The following SH3PXD2B variants were observed in gnomAD, a reference collection of about 807,000 sequenced individuals.
SH3PXD2B encodes the protein SH3 and PX domain-containing protein 2B.
Under a neutral mutation model 73.1 loss-of-function variants are expected in SH3PXD2B, and 37 were observed. That is an observed-to-expected ratio of 0.51 (90% confidence interval 0.39 to 0.67). The LOEUF is 0.67. Among genes scored for constraint, SH3PXD2B ranks in the 30% least tolerant of loss-of-function variants. The probability of loss-of-function intolerance (pLI) is 0.00; values close to 1 mark genes in which losing one functional copy is unlikely to be tolerated. For missense variants in SH3PXD2B, 1,053 were observed against 1,197.8 expected, an observed-to-expected ratio of 0.88 and a Z score of 1.78; for synonymous variants, 457 against 480.5, an observed-to-expected ratio of 0.95 and a Z score of 0.64.
intron 1 of SH3PXD2B, among the ~76,000 whole-genome samples, chr5:172,442,138 A>G (rs983162033): frequency 3.9e-5 from 6 of 152,210 alleles, no homozygotes; most frequent in Non-Finnish European, 7.3e-5. Flanking sequence ...ATGAGGTCAC[A>G]CTACCCTATC....
downstream of SH3PXD2B, among the ~76,000 whole-genome samples, chr5:172,329,083 A>ATATTTTTTTT (rs58472514): frequency 1.0e-3 from 62 of 61,806 alleles, 1 homozygote; most frequent in African/African-American, 4.0e-3. Context: ...ATATATATAT[A>ATATTTTTTTT]TTTTTTTTTT....
At chr5:172,415,637 G>A (rs912295869) in intron 2 of SH3PXD2B, among the ~76,000 whole-genome samples, 1 of 152,188 alleles carries the variant, frequency 6.6e-6, no homozygotes, top group African/African-American at 2.4e-5. Context: ...ATTCCAGTTA[G>A]TGACTGCCGA....
In SH3PXD2B at chr5:172,350,599, G is replaced by A. The variant is rs776205923; in HGVS notation, c.786-10C>T. The A allele has an allele frequency of 1.2e-5, 19 of 1,597,078 alleles. No homozygotes were observed. Among genetic ancestry groups the A allele is most frequent in the Non-Finnish European group, 1.6e-5 (19 of 1,171,562 alleles). On this transcript the variant is annotated splice_polypyrimidine_tract_variant and intron_variant, in intron 9 of 12. Transcript: ENST00000311601. Reference sequence around the variant, plus strand: ...TTCTTTGCCCTGGTACCTGTGAAGAGGAGGAAGGATGCTGTCAAACTGCTC... The same window carrying A: ...TTCTTTGCCCTGGTACCTGTGAAGAAGAGGAAGGATGCTGTCAAACTGCTC...
intron 4 of SH3PXD2B, among the ~76,000 whole-genome samples, chr5:172,392,538 G>C (rs1248400532): frequency 6.6e-6 from 1 of 151,848 alleles, no homozygotes; most frequent in Non-Finnish European, 1.5e-5. Context: ...TTGGGAGGCC[G>C]AAGTGGGTGG....
At chr5:172,453,659 G>C (rs1279385943) in intron 1 of SH3PXD2B, among the ~76,000 whole-genome samples, 3 of 152,244 alleles carry the variant, frequency 2.0e-5, no homozygotes. Context: ...GGAGATGCCA[G>C]GAGAAAACTT....
At position 172,386,563 on chromosome 5, in the gene SH3PXD2B, CTGT is replaced by C. The variant is rs769180556; in HGVS notation, c.310-4439_310-4437del. On this transcript the variant is annotated intron_variant, in intron 4 of 12. Coordinates refer to ENST00000311601, the MANE Select transcript of SH3PXD2B (RefSeq NM_001017995.3). Reference sequence around the variant, plus strand: ...AGTTAGCCAGATTTAAAAACGTTTTCTGTTGTTGTTGTTGTTTTATTGTTTTTA... The same window carrying C: ...AGTTAGCCAGATTTAAAAACGTTTTCTGTTGTTGTTGTTTTATTGTTTTTA... Among the ~76,000 whole-genome samples the C allele has an allele frequency of 3.5e-4, 51 of 145,952 alleles. 1 individual carries two copies. Among genetic ancestry groups the C allele is most frequent in the Non-Finnish European group, 5.7e-4 (38 of 67,220 alleles).
chr5:172,454,406 C>G lies in SH3PXD2B; in HGVS notation c.-54G>C. 1 of 1,179,166 alleles carries G rather than the reference C, an allele frequency of 8.5e-7. No individual in the cohort carries two copies. The highest frequency in any genetic ancestry group is 1.1e-6 in the Non-Finnish European group (1 of 945,326). The allele number at this position is 1,179,166 out of a possible 1,614,324, so 73.0% of individuals were successfully genotyped here. A position where few individuals can be genotyped will look rare whatever the true frequency, so the allele number is the denominator to read the frequency against. On this transcript the variant is annotated 5_prime_UTR_variant, in exon 1 of 13. Coordinates refer to ENST00000311601, the MANE Select transcript of SH3PXD2B (RefSeq NM_001017995.3). ...GCGCGGGTGCGGGTGGCGCGGGGTG[C>G]AGGGAGCGCTGGGGGCGCGCCGCCG... is the stretch of plus-strand genomic sequence containing the variant.
chr5:172,347,231 C>T (rs2113277961), intron 11 of SH3PXD2B, 52 bp downstream of exon 11: 1 of 1,587,462 alleles, frequency 6.3e-7, no homozygotes, highest in Non-Finnish European at 8.7e-7. Flanking sequence ...AGTGGACACC[C>T]CTCACAGCCC....
At chr5:172,379,893 G>C (rs1757904696) in intron 5 of SH3PXD2B, among the ~76,000 whole-genome samples, 1 of 152,158 alleles carries the variant, frequency 6.6e-6, no homozygotes, top group African/African-American at 2.4e-5. Context: ...TATCAAGTGA[G>C]CCTCTTGTGT....
At chr5:172,361,177 G>A (rs1452632593) in intron 7 of SH3PXD2B, among the ~76,000 whole-genome samples, 3 of 152,050 alleles carry the variant, frequency 2.0e-5, no homozygotes, top group South Asian at 2.1e-4. Context: ...GTGTATGTGT[G>A]AGTGTATATG....
chr5:172,369,915 G>A (rs2113345869), intron 6 of SH3PXD2B, among the ~76,000 whole-genome samples: 1 of 150,284 alleles, frequency 6.7e-6, no homozygotes, highest in East Asian at 2.0e-4. Flanking sequence ...CTGTGAGAAT[G>A]GTTTCCACCT....
At chr5:172,368,468 T>TATTATA (rs1327821682) in intron 6 of SH3PXD2B, among the ~76,000 whole-genome samples, 1 of 12,994 alleles carries the variant, frequency 7.7e-5, no homozygotes, top group Non-Finnish European at 1.2e-4. Flanking sequence ...TATATATATA[T>TATTATA]TATATATATA....
chr5:172,367,335 A>C (rs1260130231), intron 6 of SH3PXD2B, among the ~76,000 whole-genome samples: 2 of 150,852 alleles, frequency 1.3e-5, no homozygotes, highest in East Asian at 3.9e-4. Context: ...TCCTTACCTC[A>C]CTTGTGAAAA....
chr5:172,396,849 G>C (rs1472527434), intron 3 of SH3PXD2B, among the ~76,000 whole-genome samples: 3 of 152,098 alleles, frequency 2.0e-5, no homozygotes, highest in African/African-American at 4.8e-5. Flanking sequence ...ACTGAGGCAG[G>C]AGAATCGCTT....
chr5:172,346,437 A>G (rs757468115), intron 11 of SH3PXD2B, among the ~76,000 whole-genome samples, 176 bp from the exon 12 acceptor site: 4 of 152,068 alleles, frequency 2.6e-5, no homozygotes, highest in Non-Finnish European at 5.9e-5. Context: ...CCTCGGTGAG[A>G]CCTCACTGGC....
intron 7 of SH3PXD2B, among the ~76,000 whole-genome samples, chr5:172,359,387 C>CAAAAAAAAAAAAAAA (rs70982393): frequency 7.1e-5 from 6 of 84,080 alleles, no homozygotes; most frequent in Admixed American, 3.3e-4. Flanking sequence ...ACCCCCATCT[C>CAAAAAAAAAAAAAAA]AAAAAAAAAA....
In SH3PXD2B at chr5:172,339,591, G is replaced by A. The variant is rs146888830; in HGVS notation, c.1514C>T (p.Ser505Leu). The change falls in exon 13 of 13, where the codon TCA (serine) becomes TTA (leucine). Residue 505 changes from serine (S) to leucine (L), a missense_variant. By Grantham distance (145) the Ser-to-Leu change is moderately radical (BLOSUM62 -2). This residue lies in a region of SH3PXD2B where 587 missense variants were observed against 590.7 expected (regional missense o/e 0.99). Transcript: ENST00000311601. The surrounding 1 kb of genome is among the most constrained non-coding windows in gnomAD (Gnocchi z 6.1). ...GTCTGAGATCTCCTCGTAGCCTGCT[G>A]ACGCAGACATGTCTGAAGATGCCTT... ...LRKASSDMSASAGYEEISDPD... is the reference protein window; with the variant it reads ...LRKASSDMSALAGYEEISDPD... 7.4e-6 allele frequency: 12 copies of A among 1,614,236 alleles called. No homozygotes were observed. Among genetic ancestry groups the A allele is most frequent in the Admixed American group, 5.0e-5 (3 of 60,036 alleles).
Position 172,339,004 on chromosome 5 carries a change from G to A in SH3PXD2B, c.2101C>T (p.Leu701Phe). The A allele has an allele frequency of 6.2e-7, 1 of 1,614,108 alleles. No homozygotes were observed. The highest frequency in any genetic ancestry group is 8.5e-7 in the Non-Finnish European group (1 of 1,179,926). Residue 701 changes from leucine to phenylalanine, a missense_variant, in exon 13 of 13, where the codon CTC becomes TTC. Physicochemically the swap from Leu to Phe is conservative, Grantham distance 22. Transcript: ENST00000311601. This position sits in a 1 kb window ranked among gnomAD's most constrained non-coding sequence, Gnocchi z 6.1. ...GQDVAFSRSF[L>F]PGEGPGRAQD... ...GCGCGGCCAGGCCCCTCTCCTGGGAGGAAGCTTCGGCTGAAGGCCACGTCT... is the reference window on the plus strand; with the variant it reads ...GCGCGGCCAGGCCCCTCTCCTGGGAAGAAGCTTCGGCTGAAGGCCACGTCT...
At chr5:172,356,578 T>G (rs1481352013) in intron 8 of SH3PXD2B, 2 of 152,150 alleles carry the variant, frequency 1.3e-5, no homozygotes. Flanking sequence ...ACAGACGACA[T>G]CACTGTTTCT....
Sources: allele counts gnomAD v4.1 joint callset (sites outside exome capture counted in the v4.1 genomes callset), GRCh38; gene constraint gnomAD v4.1.1; regional missense constraint gnomAD v4.1.1; non-coding constraint Gnocchi (gnomAD v3.1); transcripts MANE v1.5; gene names NCBI Gene and HGNC (gene_info 2026-07-23, HGNC 2026-07-21).